The following APP variants were observed in gnomAD, a reference collection of about 807,000 sequenced individuals.
APP encodes amyloid-beta precursor protein.
A neutral mutation model predicts 101.4 loss-of-function variants in APP; 31 were observed. The ratio of observed to expected loss-of-function variants is 0.31; its 90% CI spans 0.23 to 0.41. The LOEUF (loss-of-function observed/expected upper bound fraction) is 0.41, where lower values mean the gene tolerates loss of function less well. APP is among the 10% of genes least tolerant of loss of function. The pLI, the probability that APP is intolerant of heterozygous loss-of-function variation, is 1.00. For synonymous variants in APP, 366 were observed against 364.4 expected (o/e 1.00, Z -0.05); for missense variants, 839 against 1,003.7 (o/e 0.84, Z 2.22).
intron 1 of APP, among the ~76,000 whole-genome samples, chr21:26,113,450 G>C (rs1005505153): frequency 1.3e-5 from 2 of 152,154 alleles, no homozygotes; most frequent in Admixed American, 1.3e-4. Context: ...ACCCAACAGA[G>C]GACTTAGGTC....
intron 16 of APP, among the ~76,000 whole-genome samples, chr21:25,893,215 C>CT (rs2037812575): frequency 6.6e-6 from 1 of 152,140 alleles, no homozygotes; most frequent in Admixed American, 6.5e-5. Flanking sequence ...TGTGTTCTGT[C>CT]TGCCCCCCAA....
At chr21:26,010,940 C>T (rs1052741338) in intron 6 of APP, among the ~76,000 whole-genome samples, 1 of 151,828 alleles carries the variant, frequency 6.6e-6, no homozygotes, top group East Asian at 1.9e-4. Flanking sequence ...GCAGGTGAAT[C>T]GCTTGAACCA....
intron 13 of APP, among the ~76,000 whole-genome samples, chr21:25,939,215 A>G (rs1159869613): frequency 6.6e-6 from 1 of 152,212 alleles, no homozygotes; most frequent in Non-Finnish European, 1.5e-5. Flanking sequence ...TGGCAGCAGG[A>G]TGAAGGCAGG....
At chr21:25,968,515 T>C (rs1451358995) in intron 11 of APP, among the ~76,000 whole-genome samples, 1 of 151,986 alleles carries the variant, frequency 6.6e-6, no homozygotes, top group Non-Finnish European at 1.5e-5. Context: ...TAAATATGAG[T>C]CAAACAATGC....
rs143137343 is a variant in APP, at chr21:26,085,919, A to G, written c.355+4024T>C. 1.8e-4 allele frequency among the ~76,000 whole-genome samples: 28 copies of G among 152,388 alleles called. No individual in the cohort carries two copies. In the East Asian group the frequency reaches 5.0e-3, roughly 27 times the overall value. ...ACATTTGGAAGGTCTTAATTACAAA[A>G]TGAAACAGAATGACATTTAAGGTAA... On this transcript the variant is annotated intron_variant, in intron 3 of 17. Coordinates refer to ENST00000346798, the MANE Select transcript of APP (RefSeq NM_000484.4).
At chr21:26,092,766 A>G (rs888388266) in intron 2 of APP, among the ~76,000 whole-genome samples, 1 of 152,240 alleles carries the variant, frequency 6.6e-6, no homozygotes, top group Admixed American at 6.5e-5. Flanking sequence ...GGAGAGGCTA[A>G]GCATGTGTGC....
intron 2 of APP, among the ~76,000 whole-genome samples, chr21:26,095,618 T>C (rs1413548543): frequency 6.6e-6 from 1 of 152,228 alleles, no homozygotes; most frequent in East Asian, 1.9e-4. Context: ...TGGTACTATC[T>C]AAGGTTTCGG....
In APP at chr21:26,087,122, A is replaced by G. The variant is rs114799913; in HGVS notation, c.355+2821T>C. Among the ~76,000 whole-genome samples the G allele has an allele frequency of 1.7e-3, 255 of 152,332 alleles. 2 individuals are homozygous for G. The highest frequency in any genetic ancestry group is 5.7e-3 in the African/African-American group (239 of 41,574). ...TCCTGAAAGACAAGGCATGCTCTAC[A>G]TACTCTACCAGGTTATTTTATCAAC... is the stretch of plus-strand genomic sequence containing the variant. On this transcript the variant is annotated intron_variant, in intron 3 of 17. Coordinates refer to ENST00000346798, the MANE Select transcript of APP (RefSeq NM_000484.4).
intron 13 of APP, among the ~76,000 whole-genome samples, chr21:25,916,323 A>G (rs1480269821): frequency 6.6e-6 from 1 of 152,170 alleles, no homozygotes; most frequent in Non-Finnish European, 1.5e-5. Context: ...TAAGAGAAAA[A>G]AAGAGGTAGA....
intron 13 of APP, among the ~76,000 whole-genome samples, chr21:25,936,788 C>T (rs1353230416): frequency 6.6e-6 from 1 of 152,176 alleles, no homozygotes; most frequent in African/African-American, 2.4e-5. Context: ...CAGACTAATG[C>T]ATTTATCTAG....
intron 11 of APP, among the ~76,000 whole-genome samples, chr21:25,968,133 T>C (rs1263065442): frequency 6.6e-6 from 1 of 152,100 alleles, no homozygotes; most frequent in Non-Finnish European, 1.5e-5. Context: ...ATTGTAATAT[T>C]TCAAGTATTT....
chr21:25,945,478 C>A (rs2040776423), intron 13 of APP: 1 of 140,756 alleles, frequency 7.1e-6, no homozygotes. Context: ...TCCGGATACT[C>A]AAAGTAATAT....
chr21:25,975,319 T>C, intron 10 of APP, 91 bp from the exon 11 acceptor site: 2 of 1,528,238 alleles, frequency 1.3e-6, no homozygotes, highest in African/African-American at 1.4e-5. Context: ...CCTATTCCAT[T>C]TTCTTCTAGT....
At chr21:25,927,515 C>G (rs906644525) in intron 13 of APP, among the ~76,000 whole-genome samples, 5 of 152,122 alleles carry the variant, frequency 3.3e-5, no homozygotes, top group African/African-American at 1.2e-4. Context: ...ATCTTGACCT[C>G]CAGAAAATTA....
At chr21:25,915,446 C>T (rs1451314684) in intron 13 of APP, among the ~76,000 whole-genome samples, 1 of 152,238 alleles carries the variant, frequency 6.6e-6, no homozygotes, top group African/African-American at 2.4e-5. Flanking sequence ...AAATCCAAGT[C>T]CTGGGCTTCA....
chr21:25,893,555 G>A (rs2037832768), intron 16 of APP, among the ~76,000 whole-genome samples: 1 of 152,194 alleles, frequency 6.6e-6, no homozygotes, highest in South Asian at 2.1e-4. Flanking sequence ...TAGTTGTCTG[G>A]ATGGAAGATC....
intron 14 of APP, among the ~76,000 whole-genome samples, chr21:25,907,579 T>A (rs540318144): frequency 6.6e-6 from 1 of 152,244 alleles, no homozygotes; most frequent in Non-Finnish European, 1.5e-5. Flanking sequence ...TAAAATAAAA[T>A]GTAAGCAGAA....
rs571652106 is a variant in APP, at chr21:25,931,213, G to A, written c.1688-19251C>T. Among the ~76,000 whole-genome samples the A allele has an allele frequency of 2.0e-5, 3 of 152,274 alleles. No homozygotes were observed. In the South Asian group the frequency reaches 6.2e-4, roughly 32 times the overall value. Reference sequence around the variant, plus strand: ...GACAGAATGACAAAGAAACAAGCCTGGGCTTTAGGGATGTGACTAGTGATA... The same window carrying A: ...GACAGAATGACAAAGAAACAAGCCTAGGCTTTAGGGATGTGACTAGTGATA... On this transcript the variant is annotated intron_variant, in intron 13 of 17. Coordinates refer to ENST00000346798, the MANE Select transcript of APP (RefSeq NM_000484.4).
intron 3 of APP, among the ~76,000 whole-genome samples, chr21:26,087,551 A>C (rs1442095180): frequency 6.6e-6 from 1 of 152,236 alleles, no homozygotes; most frequent in Non-Finnish European, 1.5e-5. Context: ...GGAGGATGAA[A>C]GAGAAATCTG....
Sources: gnomAD v4.1 joint callset for allele counts (sites outside exome capture counted in the v4.1 genomes callset) on GRCh38, gnomAD v4.1.1 for gene constraint, MANE v1.5 for transcripts, NCBI Gene and HGNC (gene_info 2026-07-23, HGNC 2026-07-21) for gene names.